FSTL1: variants seen among roughly 807,000 people sequenced by gnomAD.
FSTL1 encodes the protein follistatin-related protein 1.
Under a neutral mutation model 45.9 loss-of-function variants are expected in FSTL1, and 24 were observed. The observed-to-expected ratio is 0.52, with a 90% confidence interval of 0.38 to 0.74. FSTL1 has a LOEUF of 0.74. Ranked by LOEUF, FSTL1 falls within the 30% of genes least tolerant of loss-of-function variation. The probability of loss-of-function intolerance (pLI) is 0.00; values close to 1 mark genes in which losing one functional copy is unlikely to be tolerated. For synonymous variants in FSTL1, 120 were observed against 137.6 expected (o/e 0.87, Z 0.89); for missense variants, 340 against 381.8 (o/e 0.89, Z 0.91).
rs537654302 is a variant in FSTL1 at position 120,394,615 on chromosome 3, G to C, written c.*2337C>G. 1.3e-5 allele frequency: 2 copies of C among 152,348 alleles called. No homozygotes were observed. Among genetic ancestry groups the C allele is most frequent in the Admixed American group, 6.5e-5 (1 of 15,306 alleles). 9.4% of individuals were successfully genotyped at this position (152,348 alleles called of 1,614,324 possible). A position where few individuals can be genotyped will look rare whatever the true frequency, so the allele number is the denominator to read the frequency against. On this transcript the variant is annotated 3_prime_UTR_variant, in exon 11 of 11. Transcript: ENST00000295633. ...TAGTGTTTACAAAACTACACACACA[G>C]AGAAAGCCCAAGGAAGCCTGCAGGC...
chr3:120,404,858 C>G lies in FSTL1; in HGVS notation c.576G>C (p.Leu192Phe), dbSNP rs1208933803. ...TTYPDQENNK[L>F]LRGLCVDALI... Reference sequence around the variant, plus strand: ...GACCTCTCGGTTCCTCTCACCTAAGCAACTTGTTGTTCTCCTGGTCTGGAT... The same window carrying G: ...GACCTCTCGGTTCCTCTCACCTAAGGAACTTGTTGTTCTCCTGGTCTGGAT... The change falls in exon 7 of 11, where the codon TTG becomes TTC. Residue 192 changes from leucine (L) to phenylalanine (F), a missense_variant. Leu to Phe is a conservative substitution (Grantham distance 22). Coordinates refer to ENST00000295633, the MANE Select transcript of FSTL1 (RefSeq NM_007085.5). The G allele has an allele frequency of 1.3e-6, 2 of 1,488,528 alleles. No homozygotes were observed. Among genetic ancestry groups the G allele is most frequent in the African/African-American group, 1.4e-5 (1 of 72,492 alleles). 92.2% of individuals were successfully genotyped at this position (1,488,528 alleles called of 1,614,324 possible).
intron 2 of FSTL1, among the ~76,000 whole-genome samples, chr3:120,416,445 G>A (rs1389043801): frequency 6.6e-6 from 1 of 152,170 alleles, no homozygotes; most frequent in East Asian, 1.9e-4. Context: ...AAACAACACA[G>A]GAAGTGCAAG....
intron 2 of FSTL1, among the ~76,000 whole-genome samples, chr3:120,436,258 G>A (rs1937557145): frequency 6.6e-6 from 1 of 152,148 alleles, no homozygotes; most frequent in Admixed American, 6.5e-5. Context: ...AAGTAGCTTG[G>A]GGAGTTTTAT....
intron 2 of FSTL1, among the ~76,000 whole-genome samples, chr3:120,448,281 G>A (rs1308076426): frequency 6.6e-6 from 1 of 152,140 alleles, no homozygotes; most frequent in Non-Finnish European, 1.5e-5. Flanking sequence ...TGTCACTAAG[G>A]ACTGTAAATA....
At chr3:120,412,048 C>T in intron 3 of FSTL1, 65 bp from the exon 4 acceptor site, 2 of 669,994 alleles carry the variant, frequency 3.0e-6, no homozygotes, top group Non-Finnish European at 4.8e-6. Context: ...CACACACACA[C>T]ACATACATGC....
At chr3:120,397,680 T>C (rs1269889122) in intron 10 of FSTL1, among the ~76,000 whole-genome samples, 1 of 152,212 alleles carries the variant, frequency 6.6e-6, no homozygotes, top group Non-Finnish European at 1.5e-5. Flanking sequence ...TGCAGTAGCT[T>C]TGGAAACCAG....
intron 7 of FSTL1, 151 bp downstream of exon 7, chr3:120,404,702 T>C: frequency 1.6e-6 from 1 of 640,350 alleles, no homozygotes; most frequent in Non-Finnish European, 2.9e-6. Context: ...ATTCATACTT[T>C]CATAGAATAG....
chr3:120,446,477 T>G (rs181247572), intron 2 of FSTL1, among the ~76,000 whole-genome samples: 5 of 152,358 alleles, frequency 3.3e-5, no homozygotes, highest in African/African-American at 1.2e-4. Context: ...GTGCTTGCCC[T>G]TCTGTTCTGG....
chr3:120,403,980 A>C (rs7433600), intron 7 of FSTL1, among the ~76,000 whole-genome samples: 33,034 of 118,156 alleles, frequency 0.28, 5,223 homozygotes, highest in Non-Finnish European at 0.39. Context: ...AAACAAAAAA[A>C]AACAAAAAAC....
intron 6 of FSTL1, among the ~76,000 whole-genome samples, chr3:120,405,335 A>G (rs920607557): frequency 1.1e-4 from 17 of 152,222 alleles, no homozygotes; most frequent in Non-Finnish European, 1.8e-4. Context: ...ACATGTAACA[A>G]GAGTTTAAAG....
intron 4 of FSTL1, 55 bp from the exon 5 acceptor site, chr3:120,411,039 T>G: frequency 7.5e-7 from 1 of 1,329,984 alleles, no homozygotes; most frequent in Non-Finnish European, 1.1e-6. Flanking sequence ...AAAGAAAATT[T>G]TTCTGTATTT....
rs1401677436 is a variant in FSTL1, at chr3:120,392,453, A to C, written c.*4499T>G. 1 of 152,230 alleles carries C rather than the reference A, an allele frequency of 6.6e-6. No homozygotes were observed. Among genetic ancestry groups the C allele is most frequent in the African/African-American group, 2.4e-5 (1 of 41,458 alleles). The allele number at this position is 152,230 out of a possible 1,614,324, so 9.4% of individuals were successfully genotyped here. On this transcript the variant is annotated 3_prime_UTR_variant, in exon 11 of 11. Transcript: ENST00000295633. ...TATGCTCAGTTTATGTACTTTTGGC[A>C]GTCATGCATACTGGTGCAACTTCTT...
chr3:120,397,328 C>A (rs1228652395), intron 10 of FSTL1, among the ~76,000 whole-genome samples: 1 of 152,128 alleles, frequency 6.6e-6, no homozygotes, highest in African/African-American at 2.4e-5. Flanking sequence ...TCCAACAAGT[C>A]CAAAGAAGTG....
At chr3:120,402,970 G>T in intron 8 of FSTL1, 52 bp from the exon 9 acceptor site, 2 of 1,158,460 alleles carry the variant, frequency 1.7e-6, no homozygotes, top group Non-Finnish European at 2.6e-6. Context: ...GTGGAACAGG[G>T]CATCTTTGCT....
In FSTL1 at chr3:120,393,771, T is replaced by C. The variant is rs1396638296; in HGVS notation, c.*3181A>G. ...ATTGAGAGGTGAGGCTCTTGGGAGA[T>C]GATTAGGTCATCAAAGTTTAACCCT... On this transcript the variant is annotated 3_prime_UTR_variant, in exon 11 of 11. Coordinates refer to ENST00000295633, the MANE Select transcript of FSTL1 (RefSeq NM_007085.5). 1 of 152,188 alleles carries C rather than the reference T, an allele frequency of 6.6e-6. No individual in the cohort carries two copies. The highest frequency in any genetic ancestry group is 2.4e-5 in the African/African-American group (1 of 41,444). The allele number at this position is 152,188 out of a possible 1,614,324, so 9.4% of individuals were successfully genotyped here. A position where few individuals can be genotyped will look rare whatever the true frequency, so the allele number is the denominator to read the frequency against.
In FSTL1 at chr3:120,396,917, A is replaced by T. The variant is rs375554964; in HGVS notation, c.*35T>A. The T allele has an allele frequency of 1.6e-4, 242 of 1,525,588 alleles. No homozygotes were observed. The highest frequency in any genetic ancestry group is 2.1e-4 in the Non-Finnish European group (235 of 1,099,304). 94.5% of individuals were successfully genotyped at this position (1,525,588 alleles called of 1,614,324 possible). The stretch of plus-strand genomic sequence containing the variant: ...TGAACTCAGCGCTGAAGTGGAGAAG[A>T]TGCTGGGATCCAGACACTGGTCTGT... On this transcript the variant is annotated 3_prime_UTR_variant, in exon 11 of 11. Coordinates refer to ENST00000295633, the MANE Select transcript of FSTL1 (RefSeq NM_007085.5).
At chr3:120,410,723 G>T in intron 5 of FSTL1, 1 of 651,038 alleles carries the variant, frequency 1.5e-6, no homozygotes, top group Non-Finnish European at 2.9e-6. Flanking sequence ...GGAAAAATGG[G>T]AAAACACAGC....
rs777825743 is a variant in FSTL1 at position 120,410,943 on chromosome 3, G to A, written c.331+9C>T. 1 of 1,601,702 alleles carries A rather than the reference G, an allele frequency of 6.2e-7. No homozygotes were observed. Among genetic ancestry groups the A allele is most frequent in the Non-Finnish European group, 8.6e-7 (1 of 1,168,816 alleles). On this transcript the variant is annotated intron_variant, in intron 5 of 10. Coordinates refer to ENST00000295633, the MANE Select transcript of FSTL1 (RefSeq NM_007085.5). ...TGAGATGCACACAGTAGAAAAAATAGGCACTCACCTGGGCTGGCAGATGGA... is the reference window on the plus strand; with the variant it reads ...TGAGATGCACACAGTAGAAAAAATAAGCACTCACCTGGGCTGGCAGATGGA...
rs1936685640 is a variant in FSTL1 at position 120,395,765 on chromosome 3, A to G, written c.*1187T>C. The G allele has an allele frequency of 1.9e-6, 1 of 530,454 alleles. No homozygotes were observed. Among genetic ancestry groups the G allele is most frequent in the Non-Finnish European group, 3.9e-6 (1 of 259,144 alleles). 32.9% of individuals were successfully genotyped at this position (530,454 alleles called of 1,614,324 possible). A position where few individuals can be genotyped will look rare whatever the true frequency, so the allele number is the denominator to read the frequency against. ...AGAATTTATAACTTATCAAATCAAA[A>G]GGTTAGTGCATTCTTACCAGCTCAC... On this transcript the variant is annotated 3_prime_UTR_variant, in exon 11 of 11. Coordinates refer to ENST00000295633, the MANE Select transcript of FSTL1 (RefSeq NM_007085.5).
Sources: allele counts gnomAD v4.1 joint callset (sites outside exome capture counted in the v4.1 genomes callset), GRCh38; gene constraint gnomAD v4.1.1; transcripts MANE v1.5; gene names NCBI Gene and HGNC (gene_info 2026-07-23, HGNC 2026-07-21).